PRSS23: variants seen among roughly 807,000 people sequenced by gnomAD.
The protein encoded by PRSS23 is serine protease 23.
Under a neutral mutation model 34.7 loss-of-function variants are expected in PRSS23, and 25 were observed. That is an observed-to-expected ratio of 0.72 (90% CI 0.53 to 1.01). The LOEUF is 1.01. Ranked by LOEUF, PRSS23 falls within the 50% of genes least tolerant of loss-of-function variation. The pLI, the probability that PRSS23 is intolerant of heterozygous loss-of-function variation, is 0.00. For missense variants in PRSS23, 445 were observed against 475.6 expected, an observed-to-expected ratio of 0.94 and a Z score of 0.60; for synonymous variants, 176 against 186.6, an observed-to-expected ratio of 0.94 and a Z score of 0.46.
chr11:86,873,732 A>T (rs1380517516), intron 2 of PRSS23, among the ~76,000 whole-genome samples: 1 of 152,170 alleles, frequency 6.6e-6, no homozygotes, highest in Non-Finnish European at 1.5e-5. Context: ...CAAGATGTGA[A>T]ATTTGTGAGT....
At chr11:86,944,389 G>T (rs182835456) in intron 2 of PRSS23, among the ~76,000 whole-genome samples, 64 of 152,132 alleles carry the variant, frequency 4.2e-4, no homozygotes, top group African/African-American at 1.5e-3. Context: ...GGTATCTGGG[G>T]TTAAGATTAG....
In PRSS23 at chr11:86,800,555, C is replaced by T. The variant is rs905152923; in HGVS notation, c.-110C>T. The T allele has an allele frequency of 7.5e-5, 74 of 984,670 alleles. No individual in the cohort carries two copies. Among genetic ancestry groups the T allele is most frequent in the Non-Finnish European group, 8.8e-5 (73 of 829,754 alleles). 61.0% of individuals were successfully genotyped at this position (984,670 alleles called of 1,614,324 possible). ...GCCAGCTTGCTCGCACTCGGCTGTG[C>T]GGCGGGGCAGGCATGGGAGCCGCGC... On this transcript the variant is annotated 5_prime_UTR_variant, in exon 1 of 2. Transcript: ENST00000280258.
At chr11:86,875,100 C>T (rs955170110) in intron 2 of PRSS23, among the ~76,000 whole-genome samples, 4 of 152,224 alleles carry the variant, frequency 2.6e-5, no homozygotes, top group African/African-American at 9.6e-5. Flanking sequence ...GTTACCCAGT[C>T]TCACAACTGC....
intron 2 of PRSS23, among the ~76,000 whole-genome samples, chr11:86,903,460 T>C (rs972106534): frequency 5.9e-5 from 9 of 151,440 alleles, no homozygotes; most frequent in African/African-American, 1.9e-4. Flanking sequence ...TCCTTAAGTA[T>C]TGTAATTTTT....
exon 3 of PRSS23, chr11:86,952,630 G>C (rs1261397553): frequency 5.7e-6 from 4 of 697,540 alleles, no homozygotes; most frequent in Non-Finnish European, 9.8e-6. Flanking sequence ...CCTCAAACAA[G>C]GGCGCCTGAT....
At chr11:86,817,950 A>C (rs189242181) in intron 1 of PRSS23, among the ~76,000 whole-genome samples, 16 of 152,316 alleles carry the variant, frequency 1.1e-4, no homozygotes, top group Admixed American at 9.2e-4. Context: ...TCATGCTCTT[A>C]TTCTACTAAT....
chr11:86,932,689 G>A (rs1158078000), intron 2 of PRSS23: 1 of 151,952 alleles, frequency 6.6e-6, no homozygotes, highest in African/African-American at 2.4e-5. Context: ...CACTTGGAAT[G>A]AGCAGACACA....
chr11:86,812,799 AAAAAAG>A (rs1205478697), downstream of PRSS23, among the ~76,000 whole-genome samples: 10 of 150,950 alleles, frequency 6.6e-5, no homozygotes, highest in Admixed American at 2.6e-4. Flanking sequence ...AAAAAAAAAA[AAAAAAG>A]AAAAAGAAAA....
intron 1 of PRSS23, among the ~76,000 whole-genome samples, chr11:86,816,260 C>T (rs990269200): frequency 4.6e-5 from 7 of 152,188 alleles, no homozygotes; most frequent in African/African-American, 1.2e-4. Flanking sequence ...AAGCCCACCT[C>T]GGTGCCAGTC....
exon 3 of PRSS23, chr11:86,952,041 G>C (rs754483582): frequency 6.2e-7 from 1 of 1,614,000 alleles, no homozygotes; most frequent in African/African-American, 1.3e-5. Flanking sequence ...AGGAAGGTCA[G>C]TACTGTGAAG....
At chr11:86,814,913 A>G (rs1056298501), downstream of PRSS23, among the ~76,000 whole-genome samples, 1 of 152,186 alleles carries the variant, frequency 6.6e-6, no homozygotes, top group African/African-American at 2.4e-5. Flanking sequence ...GTATTTGTCT[A>G]TGTGTGTATC....
chr11:86,836,997 C>A (rs1015952054), intron 2 of PRSS23: 2 of 152,174 alleles, frequency 1.3e-5, no homozygotes, highest in African/African-American at 4.8e-5. Flanking sequence ...TTTTATAATT[C>A]TTTTATTGAG....
chr11:86,944,108 G>A (rs1949224416), intron 2 of PRSS23, among the ~76,000 whole-genome samples: 1 of 151,978 alleles, frequency 6.6e-6, no homozygotes, highest in African/African-American at 2.4e-5. Context: ...TTCTCCTGGA[G>A]GATCCAAGGA....
At chr11:86,939,426 A>AT in intron 2 of PRSS23, among the ~76,000 whole-genome samples, 35 of 94,062 alleles carry the variant, frequency 3.7e-4, no homozygotes, top group Middle Eastern at 7.0e-3. Context: ...ATATATATAT[A>AT]TTTTTTAACA....
chr11:86,900,807 C>T (rs1415814734), intron 2 of PRSS23, among the ~76,000 whole-genome samples: 5 of 70,470 alleles, frequency 7.1e-5, no homozygotes, highest in East Asian at 7.1e-4. Context: ...TTTTTTGAGA[C>T]GGAGTCTCGC....
intron 2 of PRSS23, among the ~76,000 whole-genome samples, chr11:86,898,265 A>G (rs893386643): frequency 2.0e-5 from 3 of 152,240 alleles, no homozygotes; most frequent in African/African-American, 7.2e-5. Flanking sequence ...TTTAGAAACA[A>G]TCATAGTGAA....
intron 2 of PRSS23, among the ~76,000 whole-genome samples, chr11:86,830,398 C>G (rs1590883321): frequency 6.6e-6 from 1 of 152,264 alleles, no homozygotes; most frequent in East Asian, 1.9e-4. Flanking sequence ...ATCTGTCACC[C>G]CTTTCTTTGA....
chr11:86,889,208 C>T (rs578100452), intron 2 of PRSS23, among the ~76,000 whole-genome samples: 14 of 152,206 alleles, frequency 9.2e-5, no homozygotes, highest in Middle Eastern at 3.4e-3. Flanking sequence ...CCTTTTTGTA[C>T]GGGAGTGGTG....
chr11:86,837,978 G>A (rs1948419503), intron 2 of PRSS23, among the ~76,000 whole-genome samples: 2 of 152,088 alleles, frequency 1.3e-5, no homozygotes, highest in South Asian at 4.1e-4. Flanking sequence ...GTAGGGCAGG[G>A]TGTCACCTCA....
Sources: gnomAD v4.1 joint callset for allele counts (sites outside exome capture counted in the v4.1 genomes callset) on GRCh38, gnomAD v4.1.1 for gene constraint, MANE v1.5 for transcripts, NCBI Gene and HGNC (gene_info 2026-07-23, HGNC 2026-07-21) for gene names.